Variants in EPB41L5 observed in about 807,000 individuals in gnomAD.
The protein encoded by EPB41L5 is band 4.1-like protein 5.
In EPB41L5, 55 loss-of-function variants were observed where a neutral mutation model predicts 106.6. The observed-to-expected ratio is 0.52, with a 90% CI of 0.42 to 0.65. EPB41L5 has a LOEUF of 0.65. EPB41L5 is among the 30% of genes least tolerant of loss of function. EPB41L5 has a pLI of 0.00. For synonymous variants in EPB41L5, 297 were observed against 306.7 expected, an observed-to-expected ratio of 0.97 and a Z score of 0.33; for missense variants, 871 against 882.1, an observed-to-expected ratio of 0.99 and a Z score of 0.16.
At chr2:120,072,929 TAA>T (rs11397278) in intron 3 of EPB41L5, among the ~76,000 whole-genome samples, 14 of 147,562 alleles carry the variant, frequency 9.5e-5, no homozygotes, top group African/African-American at 3.2e-4. Context: ...TTAAAGTATT[TAA>T]AAAAAAAAAA....
Position 120,120,421 on chromosome 2 carries a change from C to T in EPB41L5, c.1338-7267C>T, listed in dbSNP as rs532346919. On this transcript the variant is annotated intron_variant, in intron 16 of 24. Transcript: ENST00000263713. ...CACTCCAGCCTGGGTGACAGAGCGA[C>T]ACTCAATCTCAAAAAAAAAAAAAAA... Among the ~76,000 whole-genome samples, 144 of 102,146 alleles carry T rather than the reference C, an allele frequency of 1.4e-3. 2 individuals are homozygous for T. In the South Asian group the frequency reaches 0.018, roughly 13 times the overall value. 67.0% of individuals were successfully genotyped at this position (102,146 alleles called of 152,430 possible). A position where few individuals can be genotyped will look rare whatever the true frequency, so the allele number is the denominator to read the frequency against.
chr2:120,074,507 TAATC>T (rs1682096858), intron 5 of EPB41L5: 4 of 181,372 alleles, frequency 2.2e-5, no homozygotes, highest in African/African-American at 9.4e-5. Flanking sequence ...ATGTTGAAAA[TAATC>T]TATCTTTGGC....
chr2:120,164,276 G>A (rs1406379663), intron 21 of EPB41L5, among the ~76,000 whole-genome samples: 2 of 152,066 alleles, frequency 1.3e-5, no homozygotes, highest in African/African-American at 2.4e-5. Context: ...GTACGGTGGT[G>A]TAATCTTGGC....
intron 2 of EPB41L5, among the ~76,000 whole-genome samples, chr2:120,023,532 A>C (rs1302425609): frequency 6.6e-6 from 1 of 151,796 alleles, no homozygotes; most frequent in African/African-American, 2.4e-5. Flanking sequence ...GTTCTTTTCC[A>C]TTGGTCCGTA....
At chr2:120,091,912 A>G (rs1683437037) in intron 13 of EPB41L5, among the ~76,000 whole-genome samples, 1 of 152,186 alleles carries the variant, frequency 6.6e-6, no homozygotes, top group Non-Finnish European at 1.5e-5. Context: ...TTTGTATACA[A>G]AACTGTTTCT....
intron 21 of EPB41L5, among the ~76,000 whole-genome samples, chr2:120,163,094 A>T (rs963371019): frequency 4.6e-5 from 7 of 152,202 alleles, no homozygotes; most frequent in East Asian, 1.9e-4. Flanking sequence ...TCTACAAAAA[A>T]TTTTTTAAAA....
chr2:120,168,078 T>C, intron 24 of EPB41L5, 71 bp downstream of exon 24: 4 of 1,520,484 alleles, frequency 2.6e-6, no homozygotes, highest in Non-Finnish European at 3.6e-6. Flanking sequence ...AAACTTATTA[T>C]CTCTAAAGCA....
chr2:120,091,051 G>T (rs1425348804), intron 12 of EPB41L5, among the ~76,000 whole-genome samples: 3 of 152,162 alleles, frequency 2.0e-5, no homozygotes, highest in Non-Finnish European at 4.4e-5. Context: ...CCAGTTGATT[G>T]TGTGGAGTTA....
chr2:120,015,313 CGA>C (rs1448201341), intron 1 of EPB41L5, among the ~76,000 whole-genome samples: 1 of 146,958 alleles, frequency 6.8e-6, no homozygotes, highest in Non-Finnish European at 1.5e-5. Flanking sequence ...GGCAACAGAG[CGA>C]GACTCAAAAA....
At position 120,174,828 on chromosome 2, in the gene EPB41L5, C is replaced by T. The variant is rs1202526725; in HGVS notation, c.2136-13C>T. 6.2e-7 allele frequency: 1 copy of T among 1,613,826 alleles called. No individual in the cohort carries two copies. The highest frequency in any genetic ancestry group is 1.1e-5 in the South Asian group (1 of 91,076). ...AGGGGTTCCCTGAGTAACCCATTCTCTCTTCCTTTCAGCTCTGGTCCCATT... is the reference window on the plus strand; with the variant it reads ...AGGGGTTCCCTGAGTAACCCATTCTTTCTTCCTTTCAGCTCTGGTCCCATT... On this transcript the variant is annotated splice_polypyrimidine_tract_variant and intron_variant, in intron 24 of 24. Transcript: ENST00000263713.
chr2:120,035,013 GGTTT>G (rs1258192377), intron 2 of EPB41L5, among the ~76,000 whole-genome samples: 3 of 152,034 alleles, frequency 2.0e-5, no homozygotes, highest in African/African-American at 7.2e-5. Context: ...ATATTCAGTT[GGTTT>G]GTTTTATTAT....
chr2:120,065,076 A>G (rs559958321), intron 3 of EPB41L5, among the ~76,000 whole-genome samples: 2 of 152,298 alleles, frequency 1.3e-5, no homozygotes, highest in South Asian at 4.1e-4. Context: ...TGCCTGGAAG[A>G]TAACTATGAT....
Position 120,146,270 on chromosome 2 carries a change from C to G in EPB41L5, c.1774C>G (p.Gln592Glu), listed in dbSNP as rs761847701. ...ATTAAGTCATAAAAATGCCAATGTT[C>G]AGGATGCTGCCACAAACAGGTACAG... ...SLLSHKNANVQDAATNSAVLN... is the reference protein window; with the variant it reads ...SLLSHKNANVEDAATNSAVLN... Residue 592 changes from glutamine (Q) to glutamate (E), a missense_variant, in exon 20 of 25, where the codon CAG becomes GAG. By Grantham distance (29) the Gln-to-Glu change is conservative. Coordinates refer to ENST00000263713, the MANE Select transcript of EPB41L5 (RefSeq NM_020909.4). 2.1e-5 allele frequency: 34 copies of G among 1,609,356 alleles called. No homozygotes were observed. The highest frequency in any genetic ancestry group is 3.3e-4 in the Middle Eastern group (2 of 6,072).
rs1163876691 is a variant in EPB41L5 at position 120,084,456 on chromosome 2, A to C, written c.804-2715A>C. On this transcript the variant is annotated intron_variant, in intron 10 of 24. Coordinates refer to ENST00000263713, the MANE Select transcript of EPB41L5 (RefSeq NM_020909.4). ...CTAAGAATGTTGAGTATTGGCCCCT[A>C]GTCTCTTCTGGCTTGTAGAGTTTCT... Among the ~76,000 whole-genome samples the C allele has an allele frequency of 2.6e-5, 4 of 152,162 alleles. No individual in the cohort carries two copies. In the South Asian group the frequency reaches 8.3e-4, roughly 31 times the overall value.
intron 16 of EPB41L5, among the ~76,000 whole-genome samples, chr2:120,103,681 G>T (rs1419780003): frequency 1.3e-5 from 2 of 151,956 alleles, no homozygotes; most frequent in African/African-American, 4.8e-5. Flanking sequence ...TCAAATATTT[G>T]AAGTTAAGTA....
At chr2:120,026,083 A>G (rs1260128049) in intron 2 of EPB41L5, among the ~76,000 whole-genome samples, 4 of 152,240 alleles carry the variant, frequency 2.6e-5, no homozygotes, top group African/African-American at 9.6e-5. Flanking sequence ...ATGCAAAAGA[A>G]TGAAATTGGG....
At chr2:120,030,235 A>G (rs1678612148) in intron 2 of EPB41L5, among the ~76,000 whole-genome samples, 1 of 152,190 alleles carries the variant, frequency 6.6e-6, no homozygotes, top group Non-Finnish European at 1.5e-5. Context: ...GCTTTGCAGG[A>G]CTAACAAATT....
At chr2:120,172,415 C>G (rs1441482236) in intron 24 of EPB41L5, among the ~76,000 whole-genome samples, 1 of 152,126 alleles carries the variant, frequency 6.6e-6, no homozygotes, top group Non-Finnish European at 1.5e-5. Flanking sequence ...GGAGTACGTA[C>G]AAAGGATTGG....
At chr2:120,155,034 T>A (rs552100794) in intron 20 of EPB41L5, among the ~76,000 whole-genome samples, 2 of 152,352 alleles carry the variant, frequency 1.3e-5, no homozygotes, top group African/African-American at 4.8e-5. Context: ...AGAGAAGTTA[T>A]ACCCAAATTG....
Sources: gnomAD v4.1 joint callset for allele counts (sites outside exome capture counted in the v4.1 genomes callset) on GRCh38, gnomAD v4.1.1 for gene constraint, MANE v1.5 for transcripts, NCBI Gene and HGNC (gene_info 2026-07-23, HGNC 2026-07-21) for gene names.